Variants in CACNA2D3 observed in about 807,000 individuals in gnomAD.
The protein encoded by CACNA2D3 is voltage-dependent calcium channel subunit alpha-2/delta-3.
A neutral mutation model predicts 160.6 loss-of-function variants in CACNA2D3; 60 were observed. That is an observed-to-expected ratio of 0.37 (90% CI 0.30 to 0.46). The LOEUF (loss-of-function observed/expected upper bound fraction) is 0.46, where lower values mean the gene tolerates loss of function less well. Among genes scored for constraint, CACNA2D3 ranks in the 20% least tolerant of loss-of-function variants. The pLI, the probability that CACNA2D3 is intolerant of heterozygous loss-of-function variation, is 1.00. For synonymous variants in CACNA2D3, 558 were observed against 492.9 expected (o/e 1.13, Z -1.75); for missense variants, 1,205 against 1,365.0 (o/e 0.88, Z 1.85).
In CACNA2D3 at chr3:54,822,790, C is replaced by CTTTTT. The variant is rs1491160047; in HGVS notation, c.1398+5920_1398+5921insTTTTT. Among the ~76,000 whole-genome samples, 4 of 71,960 alleles carry CTTTTT rather than the reference C, an allele frequency of 5.6e-5. No individual in the cohort carries two copies. The East Asian group carries it at 1.4e-3, about 25-fold the overall frequency. 47.2% of individuals were successfully genotyped at this position (71,960 alleles called of 152,430 possible). A position where few individuals can be genotyped will look rare whatever the true frequency, so the allele number is the denominator to read the frequency against. On this transcript the variant is annotated intron_variant, in intron 14 of 37. Transcript: ENST00000474759. The stretch of plus-strand genomic sequence containing the variant: ...TCTTTCTTTCTTTCTTTCTTTCTTT[C>CTTTTT]CTTTCTTTCTTTCTTTCTTTCTTTC...
At chr3:54,278,988 A>C (rs1437647756) in intron 2 of CACNA2D3, among the ~76,000 whole-genome samples, 1 of 152,320 alleles carries the variant, frequency 6.6e-6, no homozygotes, top group Non-Finnish European at 1.5e-5. Flanking sequence ...CACACACACA[A>C]AAACACCAGT....
At chr3:54,226,093 G>A (rs1442375116) in intron 2 of CACNA2D3, among the ~76,000 whole-genome samples, 1 of 152,062 alleles carries the variant, frequency 6.6e-6, no homozygotes, top group Non-Finnish European at 1.5e-5. Context: ...GTTTCTCAAT[G>A]TCATTGGCAC....
chr3:54,294,944 A>C (rs1703306756), intron 2 of CACNA2D3, among the ~76,000 whole-genome samples: 1 of 148,486 alleles, frequency 6.7e-6, no homozygotes, highest in Admixed American at 6.9e-5. Context: ...GCTACACCAG[A>C]TCATTGCCTT....
At chr3:54,879,532 G>C (rs913493270) in intron 20 of CACNA2D3, 121 bp downstream of exon 20, 3 of 724,304 alleles carry the variant, frequency 4.1e-6, no homozygotes, top group Middle Eastern at 2.4e-4. Flanking sequence ...CAAAAGGCTG[G>C]AAAGAGTGAG....
intron 11 of CACNA2D3, among the ~76,000 whole-genome samples, chr3:54,704,227 T>C (rs1487182993): frequency 6.6e-6 from 1 of 152,184 alleles, no homozygotes; most frequent in African/African-American, 2.4e-5. Context: ...GAATTTAGAA[T>C]CTCAATAAAA....
chr3:54,193,119 A>C (rs1701012358), intron 2 of CACNA2D3, among the ~76,000 whole-genome samples: 1 of 152,208 alleles, frequency 6.6e-6, no homozygotes, highest in South Asian at 2.1e-4. Context: ...TTTGTTATCG[A>C]ACCCCTTTTA....
intron 4 of CACNA2D3, among the ~76,000 whole-genome samples, chr3:54,424,679 C>T (rs1016774841): frequency 5.3e-5 from 8 of 152,186 alleles, no homozygotes; most frequent in African/African-American, 1.9e-4. Context: ...CAGGAGGCAA[C>T]ACCTGGTCTA....
chr3:55,045,647 T>G (rs1341930260), intron 35 of CACNA2D3, among the ~76,000 whole-genome samples: 1 of 152,240 alleles, frequency 6.6e-6, no homozygotes, highest in East Asian at 1.9e-4. Flanking sequence ...GGAATTTCTT[T>G]AGTTCATCTA....
Position 54,825,705 on chromosome 3 carries a change from T to G in CACNA2D3, c.1398+8835T>G, listed in dbSNP as rs78358295. Among the ~76,000 whole-genome samples the G allele has an allele frequency of 1.7e-4, 26 of 152,360 alleles. 2 individuals carry two copies. In the East Asian group the frequency reaches 4.8e-3, roughly 28 times the overall value. ...CAGGAAATAAACATATTTTATTTTC[T>G]AATTGCATTAGAGAAAGATGACACA... is the stretch of plus-strand genomic sequence containing the variant. On this transcript the variant is annotated intron_variant, in intron 14 of 37. Transcript: ENST00000474759.
At chr3:54,785,398 G>C (rs937970840) in intron 13 of CACNA2D3, among the ~76,000 whole-genome samples, 1 of 152,126 alleles carries the variant, frequency 6.6e-6, no homozygotes, top group Admixed American at 6.5e-5. Context: ...CAAGCAGTCT[G>C]TGATCCCTCC....
chr3:54,888,081 T>C (rs778649839), intron 24 of CACNA2D3, 29 bp downstream of exon 24: 1 of 1,510,686 alleles, frequency 6.6e-7, no homozygotes, highest in African/African-American at 1.4e-5. Context: ...CCTCGTTTCA[T>C]GGCCATTTCC....
intron 14 of CACNA2D3, among the ~76,000 whole-genome samples, chr3:54,821,256 C>T (rs577952123): frequency 1.3e-5 from 2 of 152,204 alleles, no homozygotes; most frequent in Non-Finnish European, 2.9e-5. Context: ...CATCTCTAAT[C>T]CTGTTTGGAA....
intron 31 of CACNA2D3, among the ~76,000 whole-genome samples, chr3:54,989,273 T>C (rs1667919507): frequency 6.6e-6 from 1 of 152,176 alleles, no homozygotes; most frequent in Non-Finnish European, 1.5e-5. Context: ...TTTCAAACTG[T>C]TTGGTGGGAG....
At chr3:55,039,646 A>G (rs906773673) in intron 35 of CACNA2D3, among the ~76,000 whole-genome samples, 2 of 152,222 alleles carry the variant, frequency 1.3e-5, no homozygotes, top group African/African-American at 4.8e-5. Flanking sequence ...GTTCTGCATA[A>G]CAAGATATTA....
intron 11 of CACNA2D3, among the ~76,000 whole-genome samples, chr3:54,722,042 T>TA (rs1701179107): frequency 6.6e-6 from 1 of 152,242 alleles, no homozygotes; most frequent in African/African-American, 2.4e-5. Flanking sequence ...CACTTTCAGG[T>TA]ACACCAATCA....
chr3:54,349,610 A>G (rs1698516689), intron 3 of CACNA2D3, among the ~76,000 whole-genome samples: 1 of 152,068 alleles, frequency 6.6e-6, no homozygotes, highest in African/African-American at 2.4e-5. Flanking sequence ...TTCCTTATCT[A>G]TACAATCACC....
intron 2 of CACNA2D3, among the ~76,000 whole-genome samples, chr3:54,294,721 G>GC (rs1164824720): frequency 1.3e-5 from 2 of 152,134 alleles, no homozygotes; most frequent in Non-Finnish European, 2.9e-5. Context: ...CATTTCCAGT[G>GC]CAGGGTGGTG....
intron 30 of CACNA2D3, 65 bp from the exon 31 acceptor site, chr3:54,987,618 A>G: frequency 4.7e-6 from 5 of 1,054,896 alleles, no homozygotes; most frequent in Non-Finnish European, 7.0e-6. Context: ...GTCCCTTTTC[A>G]TTTCTTCTCT....
intron 5 of CACNA2D3, among the ~76,000 whole-genome samples, chr3:54,558,481 T>A (rs1285659964): frequency 2.6e-5 from 4 of 152,028 alleles, no homozygotes; most frequent in African/African-American, 9.7e-5. Context: ...TGTGGGTAAA[T>A]TGCATGTCAC....
Sources: allele counts gnomAD v4.1 joint callset (sites outside exome capture counted in the v4.1 genomes callset), GRCh38; gene constraint gnomAD v4.1.1; transcripts MANE v1.5; gene names NCBI Gene and HGNC (gene_info 2026-07-23, HGNC 2026-07-21).